PHF8: variants seen among roughly 807,000 people sequenced by gnomAD.
The protein encoded by PHF8 is histone lysine demethylase PHF8.
In PHF8, 9 loss-of-function variants were observed where a neutral mutation model predicts 74.4. The ratio of observed to expected loss-of-function variants is 0.12; its 90% CI spans 0.07 to 0.21. PHF8 has a LOEUF of 0.21. Ranked by LOEUF, PHF8 falls within the 10% of genes least tolerant of loss-of-function variation. The pLI is 1.00. For missense variants in PHF8, 478 were observed against 816.6 expected (o/e 0.59, Z 5.05); for synonymous variants, 311 against 316.6 (o/e 0.98, Z 0.19).
chrX:53,937,511 G>C lies in PHF8; in HGVS notation c.*1647C>G, dbSNP rs1176809066. 8.6e-6 allele frequency: 1 copy of C among 116,091 alleles called. No homozygotes were observed. The highest frequency in any genetic ancestry group is 3.3e-5 in the African/African-American group (1 of 30,587). 9.6% of individuals were successfully genotyped at this position (116,091 alleles called of 1,213,427 possible). The stretch of plus-strand genomic sequence containing the variant: ...GCAGAAACAGAGGGGAGGGGAGTAG[G>C]GACTCACGTGCTAGGGGGGAGGTAG... On this transcript the variant is annotated 3_prime_UTR_variant, in exon 22 of 22. Coordinates refer to ENST00000338154, the MANE Select transcript of PHF8 (RefSeq NM_015107.3).
chrX:54,007,395 A>C (rs1603333075), intron 8 of PHF8, among the ~76,000 whole-genome samples: 1 of 112,204 alleles, frequency 8.9e-6, no homozygotes, highest in East Asian at 2.8e-4. Flanking sequence ...TAAAGAAAAA[A>C]AAATAGATAA....
In PHF8 at chrX:54,020,121, G is replaced by A. The variant is rs782678015; in HGVS notation, c.293+2138C>T. 2.7e-5 allele frequency among the ~76,000 whole-genome samples: 3 copies of A among 112,017 alleles called. No individual in the cohort carries two copies. The East Asian group carries it at 8.3e-4, about 31-fold the overall frequency. ...GAATCGCTTGAACCCAGGAGGCGGA[G>A]GTTGCAGTGAGCCGAGATCACGCCA... On this transcript the variant is annotated intron_variant, in intron 4 of 21. Transcript: ENST00000338154.
At chrX:53,939,907 C>T (rs2064723444) in intron 21 of PHF8, among the ~76,000 whole-genome samples, 1 of 111,006 alleles carries the variant, frequency 9.0e-6, no homozygotes, top group Admixed American at 9.6e-5. Flanking sequence ...TCCTGCCTGC[C>T]TGAACTTGTA....
Position 53,987,924 on chromosome X carries a change from A to G in PHF8, c.1751T>C (p.Leu584Ser). 1 of 1,207,482 alleles carries G rather than the reference A, an allele frequency of 8.3e-7. No homozygotes were observed. The highest frequency in any genetic ancestry group is 1.1e-6 in the Non-Finnish European group (1 of 892,884). Residue 584 changes from leucine to serine, a missense_variant, in exon 15 of 22, where the codon TTA becomes TCA. This residue lies in a region of PHF8 where 153 missense variants were observed against 164.8 expected (regional missense o/e 0.93). Coordinates refer to ENST00000338154, the MANE Select transcript of PHF8 (RefSeq NM_015107.3). ...TATCTTGGTTCGCCGAGATTTGGAT[A>G]AACTCTTCACCCTTTTCGTACTGAA... ...SNGSTKRVKS[L>S]SKSRRTKIAK...
chrX:54,045,238 G>A, upstream of PHF8: 1 of 208,056 alleles, frequency 4.8e-6, no homozygotes, highest in Non-Finnish European at 8.8e-6. Context: ...GAGGAGGGGG[G>A]ATGAGAGGAA....
Position 53,996,708 on chromosome X carries a change from G to A in PHF8, c.1234-926C>T, listed in dbSNP as rs138083864. On this transcript the variant is annotated intron_variant, in intron 11 of 21. Coordinates refer to ENST00000338154, the MANE Select transcript of PHF8 (RefSeq NM_015107.3). ...ATTACAAGCACGTACCACCACGCCC[G>A]GCTAATTTTTGTAATTTTAGTGCAG... Among the ~76,000 whole-genome samples, 619 of 110,165 alleles carry A rather than the reference G, an allele frequency of 5.6e-3. 2 individuals carry two copies. Among genetic ancestry groups the A allele is most frequent in the African/African-American group, 0.019 (582 of 30,245 alleles).
chrX:54,018,825 G>T (rs183370233), intron 4 of PHF8, among the ~76,000 whole-genome samples: 2 of 110,817 alleles, frequency 1.8e-5, no homozygotes, highest in East Asian at 5.7e-4. Flanking sequence ...TCTACATGTT[G>T]GTCAGGCTGG....
In PHF8 at chrX:53,940,530, C is replaced by G; in HGVS notation, c.2650-14G>C. 1 of 1,102,988 alleles carries G rather than the reference C, an allele frequency of 9.1e-7. No homozygotes were observed. The highest frequency in any genetic ancestry group is 1.2e-6 in the Non-Finnish European group (1 of 800,487). The allele number at this position is 1,102,988 out of a possible 1,213,427, so 90.9% of individuals were successfully genotyped here. A position where few individuals can be genotyped will look rare whatever the true frequency, so the allele number is the denominator to read the frequency against. On this transcript the variant is annotated splice_polypyrimidine_tract_variant and intron_variant, in intron 20 of 21. Transcript: ENST00000338154. ...CTTCTGTAGCTCCTGAAACACAAGCCAAGTAGGAGGAGAGATTAAGGAGTG... is the reference window on the plus strand; with the variant it reads ...CTTCTGTAGCTCCTGAAACACAAGCGAAGTAGGAGGAGAGATTAAGGAGTG...
At chrX:53,958,086 G>A (rs1388912678) in intron 19 of PHF8, among the ~76,000 whole-genome samples, 1 of 107,697 alleles carries the variant, frequency 9.3e-6, no homozygotes, top group Non-Finnish European at 1.9e-5. Context: ...CTGTCGCCCA[G>A]GCTGGAGTGC....
intron 1 of PHF8, chrX:54,043,111 C>A: frequency 1.2e-6 from 1 of 847,921 alleles, no homozygotes; most frequent in Non-Finnish European, 1.5e-6. Context: ...AAGAAAATAC[C>A]TGAAGCCTTT....
In PHF8 at chrX:53,993,612, G is replaced by A. The variant is rs1557101975; in HGVS notation, c.1615C>T (p.Gln539Ter). Residue 539 changes from glutamine (Q) to a stop codon, truncating the protein, a stop_gained, in exon 13 of 22, where the codon CAG (glutamine) becomes TAG (stop). Transcript: ENST00000338154. LOFTEE classifies it high-confidence loss of function. ...GGGCCAGCACCCACCTTTGCTTTCT[G>A]GAAAGAGCCTGTCTTCAGTGCCTGA... ...SHQALKTGSF[Q>*]KAKFNITGAC... is the part of the protein sequence containing the mutation. The A allele has an allele frequency of 1.7e-6, 2 of 1,209,936 alleles. No homozygotes were observed. Among genetic ancestry groups the A allele is most frequent in the Non-Finnish European group, 2.2e-6 (2 of 894,244 alleles).
chrX:53,975,850 C>T (rs1427712158), intron 18 of PHF8, among the ~76,000 whole-genome samples: 15 of 111,667 alleles, frequency 1.3e-4, no homozygotes, highest in African/African-American at 3.9e-4. Context: ...TATTTCAAAA[C>T]AGCTAGAAGA....
At chrX:54,039,259 T>C (rs906320680) in intron 2 of PHF8, among the ~76,000 whole-genome samples, 1 of 111,447 alleles carries the variant, frequency 9.0e-6, no homozygotes. Context: ...CCACAGTATG[T>C]AGTAATTTCC....
chrX:53,943,438 G>A, intron 20 of PHF8: 1 of 1,057,877 alleles, frequency 9.5e-7, no homozygotes, highest in Non-Finnish European at 1.2e-6. Flanking sequence ...GTTGAACAGG[G>A]CTATTGGGCA....
chrX:54,017,906 G>A (rs2066099370), intron 4 of PHF8, 85 bp from the exon 5 acceptor site: 5 of 911,040 alleles, frequency 5.5e-6, no homozygotes, highest in Non-Finnish European at 7.9e-6. Flanking sequence ...CCAAGAGGTG[G>A]GGTTTTTATG....
intron 19 of PHF8, among the ~76,000 whole-genome samples, chrX:53,961,401 C>T (rs1270489380): frequency 6.4e-5 from 7 of 109,683 alleles, no homozygotes; most frequent in Non-Finnish European, 1.1e-4. Context: ...AATCTCAGCT[C>T]ACTGCAACCT....
intron 18 of PHF8, among the ~76,000 whole-genome samples, chrX:53,977,297 T>C (rs1386830598): frequency 2.7e-5 from 3 of 112,035 alleles, no homozygotes; most frequent in Non-Finnish European, 5.6e-5. Context: ...ATCGTGCCAC[T>C]GCACTCCAGC....
Position 53,938,973 on chromosome X carries a change from G to A in PHF8, c.*185C>T. 1 of 1,012,201 alleles carries A rather than the reference G, an allele frequency of 9.9e-7. No individual in the cohort carries two copies. The highest frequency in any genetic ancestry group is 1.3e-6 in the Non-Finnish European group (1 of 798,503). 83.4% of individuals were successfully genotyped at this position (1,012,201 alleles called of 1,213,427 possible). ...TGGAGAAGGCAGGCAGGATGCTCTAGTGAAAGTGGGGAAGGGAACTAGAAG... is the reference window on the plus strand; with the variant it reads ...TGGAGAAGGCAGGCAGGATGCTCTAATGAAAGTGGGGAAGGGAACTAGAAG... On this transcript the variant is annotated 3_prime_UTR_variant, in exon 22 of 22. Coordinates refer to ENST00000338154, the MANE Select transcript of PHF8 (RefSeq NM_015107.3).
At chrX:54,021,323 A>G (rs1163983861) in intron 4 of PHF8, among the ~76,000 whole-genome samples, 1 of 110,299 alleles carries the variant, frequency 9.1e-6, no homozygotes, top group African/African-American at 3.3e-5. Flanking sequence ...GGGCTGAAAA[A>G]CTAGCTACTG....
Sources: gnomAD v4.1 joint callset for allele counts (sites outside exome capture counted in the v4.1 genomes callset) on GRCh38, gnomAD v4.1.1 for gene constraint, gnomAD v4.1.1 regional missense constraint, MANE v1.5 for transcripts, NCBI Gene and HGNC (gene_info 2026-07-23, HGNC 2026-07-21) for gene names.